Variants in EPHA8 observed in about 807,000 individuals in gnomAD.
EPHA8 encodes the protein ephrin type-A receptor 8.
EPHA8 carries 58 observed loss-of-function variants against 103.6 expected under a neutral mutation model. That is an observed-to-expected ratio of 0.56 (90% CI 0.45 to 0.70). The LOEUF (loss-of-function observed/expected upper bound fraction) is 0.70. Among genes scored for constraint, EPHA8 ranks in the 30% least tolerant of loss-of-function variants. EPHA8 has a pLI of 0.00. For synonymous variants in EPHA8, 559 were observed against 572.5 expected, an observed-to-expected ratio of 0.98 and a Z score of 0.34; for missense variants, 1,304 against 1,395.2, an observed-to-expected ratio of 0.93 and a Z score of 1.04.
rs1288519265 is a variant in EPHA8 at position 22,593,380 on chromosome 1, C to T, written c.1370C>T (p.Ser457Leu). Reference protein sequence around the residue: ...RQERAGQTSVSLLWQEPEQPN... With the variant: ...RQERAGQTSVLLLWQEPEQPN... Reference sequence around the variant, plus strand: ...GAGCGGGCGGGGCAGACCAGCGTCTCGCTGCTGTGGCAGGAGCCCGAGCAG... The same window carrying T: ...GAGCGGGCGGGGCAGACCAGCGTCTTGCTGCTGTGGCAGGAGCCCGAGCAG... Residue 457 changes from serine (S) to leucine (L), a missense_variant, in exon 6 of 17, where the codon TCG becomes TTG. Transcript: ENST00000166244. The T allele has an allele frequency of 2.5e-6, 4 of 1,594,100 alleles. No homozygotes were observed. The highest frequency in any genetic ancestry group is 2.3e-5 in the South Asian group (2 of 88,076).
intron 3 of EPHA8, among the ~76,000 whole-genome samples, chr1:22,580,352 T>A (rs957514517): frequency 1.3e-5 from 2 of 152,054 alleles, no homozygotes; most frequent in African/African-American, 4.8e-5. Flanking sequence ...TTGGCCAGGC[T>A]GGTCTCAAAC....
At chr1:22,599,683 GA>G (rs1641633125) in intron 13 of EPHA8, among the ~76,000 whole-genome samples, 1 of 44,864 alleles carries the variant, frequency 2.2e-5, no homozygotes, top group South Asian at 1.3e-3. Context: ...AGGAGGGAAG[GA>G]AGGAAAGGAG....
intron 1 of EPHA8, among the ~76,000 whole-genome samples, chr1:22,564,668 G>A (rs757166310): frequency 2.6e-5 from 4 of 151,982 alleles, no homozygotes; most frequent in East Asian, 1.9e-4. Flanking sequence ...CCACACACCC[G>A]TTAGCTCCCT....
chr1:22,580,225 C>T (rs754578242), intron 3 of EPHA8, among the ~76,000 whole-genome samples: 8 of 150,294 alleles, frequency 5.3e-5, no homozygotes, highest in Non-Finnish European at 1.2e-4. Context: ...CTGCAACCTC[C>T]GCCTCCCGGT....
intron 3 of EPHA8, among the ~76,000 whole-genome samples, chr1:22,578,444 A>C (rs566482232): frequency 1.7e-5 from 2 of 116,702 alleles, no homozygotes; most frequent in Non-Finnish European, 1.6e-5. Context: ...ACGTGTGTGC[A>C]TGTGTGCGAG....
At position 22,601,850 on chromosome 1, in the gene EPHA8, C is replaced by T; in HGVS notation, c.*109C>T. 1 of 1,058,354 alleles carries T rather than the reference C, an allele frequency of 9.4e-7. No homozygotes were observed. The highest frequency in any genetic ancestry group is 1.4e-6 in the Non-Finnish European group (1 of 730,572). The allele number at this position is 1,058,354 out of a possible 1,614,324, so 65.6% of individuals were successfully genotyped here. A position where few individuals can be genotyped will look rare whatever the true frequency, so the allele number is the denominator to read the frequency against. ...CAGGGCGGCCCCAGGCCTCTGCCCT[C>T]CTCTCAGGTGCTGGAGGAGCTGAAG... is the stretch of plus-strand genomic sequence containing the variant. On this transcript the variant is annotated 3_prime_UTR_variant, in exon 17 of 17. Transcript: ENST00000166244.
At chr1:22,574,089 C>T (rs1163000867) in intron 2 of EPHA8, among the ~76,000 whole-genome samples, 1 of 152,250 alleles carries the variant, frequency 6.6e-6, no homozygotes, top group Non-Finnish European at 1.5e-5. Context: ...CGCCATTCTC[C>T]TGCCTCAGCC....
rs572961559 is a variant in EPHA8, at chr1:22,577,839, C to A, written c.823+959C>A. On this transcript the variant is annotated intron_variant, in intron 3 of 16. Coordinates refer to ENST00000166244, the MANE Select transcript of EPHA8 (RefSeq NM_020526.5). ...ATGTGTGTGCATGTGTGCGTGTGTGCATGTATGTGTGCATGCGTATGTATG... is the reference window on the plus strand; with the variant it reads ...ATGTGTGTGCATGTGTGCGTGTGTGAATGTATGTGTGCATGCGTATGTATG... Among the ~76,000 whole-genome samples, 24 of 67,864 alleles carry A rather than the reference C, an allele frequency of 3.5e-4. No homozygotes were observed. The South Asian group carries it at 0.013, about 38-fold the overall frequency. 44.5% of individuals were successfully genotyped at this position (67,864 alleles called of 152,430 possible).
At position 22,576,171 on chromosome 1, in the gene EPHA8, T is replaced by G; in HGVS notation, c.160-46T>G. On this transcript the variant is annotated intron_variant, in intron 2 of 16. Transcript: ENST00000166244. The surrounding 1 kb of genome is among the most constrained non-coding windows in gnomAD (Gnocchi z 4.8). ...ACACAGGGTCATTGGCAAAAGAGGG[T>G]GAGGTGCTGGCTCTGCTGTAGTGGC... 1.9e-6 allele frequency: 3 copies of G among 1,552,092 alleles called. No individual in the cohort carries two copies. Among genetic ancestry groups the G allele is most frequent in the Non-Finnish European group, 2.6e-6 (3 of 1,146,188 alleles).
At chr1:22,580,162 G>A (rs1641007063) in intron 3 of EPHA8, among the ~76,000 whole-genome samples, 1 of 106,566 alleles carries the variant, frequency 9.4e-6, no homozygotes, top group African/African-American at 3.5e-5. Context: ...TTTGGAGACG[G>A]AGTTTTCACT....
rs369590570 is a variant in EPHA8 at position 22,593,510 on chromosome 1, C to G, written c.1441-14C>G. 349 of 1,611,128 alleles carry G rather than the reference C, an allele frequency of 2.2e-4. 1 individual carries two copies. Among genetic ancestry groups the G allele is most frequent in the Non-Finnish European group, 3.8e-5 (45 of 1,178,776 alleles). On this transcript the variant is annotated splice_polypyrimidine_tract_variant and intron_variant, in intron 6 of 16. Coordinates refer to ENST00000166244, the MANE Select transcript of EPHA8 (RefSeq NM_020526.5). ...CCAGCAGGGCAGGGCCCACTGACCA[C>G]CGTCCCGTGGCAGGACAAGGAGATG...
intron 3 of EPHA8, among the ~76,000 whole-genome samples, chr1:22,578,213 C>T (rs62653706): frequency 0.01 from 677 of 66,594 alleles, 2 homozygotes; most frequent in Middle Eastern, 0.038. Flanking sequence ...CGAGTGTGTG[C>T]GTGTGAGTGT....
In EPHA8 at chr1:22,600,936, A is replaced by AC. The variant is rs1641707667; in HGVS notation, c.2580dup (p.Met861HisfsTer40). 3 of 1,612,110 alleles carry AC rather than the reference A, an allele frequency of 1.9e-6. No individual in the cohort carries two copies. The highest frequency in any genetic ancestry group is 2.5e-6 in the Non-Finnish European group (3 of 1,179,430). ...TGGAGGAGGGGTACCGCCTGCCCGCACCCATGGGCTGCCCCCACGCCCTGC... is the reference window on the plus strand; with the variant it reads ...TGGAGGAGGGGTACCGCCTGCCCGCACCCCATGGGCTGCCCCCACGCCCTGC... On this transcript the variant is annotated frameshift_variant, in exon 15 of 17. Coordinates refer to ENST00000166244, the MANE Select transcript of EPHA8 (RefSeq NM_020526.5). LOFTEE classifies it high-confidence loss of function.
At position 22,598,812 on chromosome 1, in the gene EPHA8, G is replaced by T; in HGVS notation, c.2179-26G>T. 1 of 1,605,016 alleles carries T rather than the reference G, an allele frequency of 6.2e-7. No individual in the cohort carries two copies. On this transcript the variant is annotated intron_variant, in intron 12 of 16. Coordinates refer to ENST00000166244, the MANE Select transcript of EPHA8 (RefSeq NM_020526.5). The surrounding 1 kb of genome is among the most constrained non-coding windows in gnomAD (Gnocchi z 5.1). The stretch of plus-strand genomic sequence containing the variant: ...ACCAGGCGCCTCGCCGGGCTTTCCT[G>T]AAGTCCAAGCCATGTCCCCCTGCAG...
intron 2 of EPHA8, among the ~76,000 whole-genome samples, chr1:22,571,352 C>A (rs1210162774): frequency 6.6e-6 from 1 of 152,226 alleles, no homozygotes; most frequent in Non-Finnish European, 1.5e-5. Flanking sequence ...GCAGCCACCA[C>A]ACTTCACAGG....
chr1:22,587,744 C>T (rs1641257169), intron 4 of EPHA8, among the ~76,000 whole-genome samples: 2 of 152,344 alleles, frequency 1.3e-5, no homozygotes, highest in South Asian at 2.1e-4. Flanking sequence ...CGCTCCCATA[C>T]ATCCATCACC....
At chr1:22,578,226 ATGTGTGTATGTGTGCATGTG>A (rs1212303800) in intron 3 of EPHA8, among the ~76,000 whole-genome samples, 2 of 91,014 alleles carry the variant, frequency 2.2e-5, no homozygotes, top group African/African-American at 8.8e-5. Context: ...GTGAGTGTGC[ATGTGTGTATGTGTGCATGTG>A]TGTGTCTGTA....
Position 22,569,139 on chromosome 1 carries a change from G to C in EPHA8, c.95-150G>C. ...ACTTAAACTGGGCCTTCAAGGAGAG[G>C]GGAAGAGAGAAAGGGCATTCAGGCA... On this transcript the variant is annotated intron_variant, in intron 1 of 16. Coordinates refer to ENST00000166244, the MANE Select transcript of EPHA8 (RefSeq NM_020526.5). This position sits in a 1 kb window ranked among gnomAD's most constrained non-coding sequence, Gnocchi z 4.5. 1 of 682,502 alleles carries C rather than the reference G, an allele frequency of 1.5e-6. No individual in the cohort carries two copies. The highest frequency in any genetic ancestry group is 2.7e-5 in the Admixed American group (1 of 37,722). The allele number at this position is 682,502 out of a possible 1,614,324, so 42.3% of individuals were successfully genotyped here. A position where few individuals can be genotyped will look rare whatever the true frequency, so the allele number is the denominator to read the frequency against.
Position 22,569,250 on chromosome 1 carries a change from T to C in EPHA8, c.95-39T>C, listed in dbSNP as rs2124509701. The C allele has an allele frequency of 1.9e-6, 3 of 1,610,990 alleles. No homozygotes were observed. In the South Asian group the frequency reaches 3.3e-5, roughly 18 times the overall value. ...CTGCTCTTGAGGAGCTGGGGAGAAGTCAGAGGGGCCTGATGCCCTCTTGTC... is the reference window on the plus strand; with the variant it reads ...CTGCTCTTGAGGAGCTGGGGAGAAGCCAGAGGGGCCTGATGCCCTCTTGTC... On this transcript the variant is annotated intron_variant, in intron 1 of 16. Coordinates refer to ENST00000166244, the MANE Select transcript of EPHA8 (RefSeq NM_020526.5). The surrounding 1 kb of genome is among the most constrained non-coding windows in gnomAD (Gnocchi z 4.5).
Sources: gnomAD v4.1 joint callset for allele counts (sites outside exome capture counted in the v4.1 genomes callset) on GRCh38, gnomAD v4.1.1 for gene constraint, Gnocchi (gnomAD v3.1) non-coding constraint, MANE v1.5 for transcripts, NCBI Gene and HGNC (gene_info 2026-07-23, HGNC 2026-07-21) for gene names.